ACLY: variants seen among roughly 807,000 people sequenced by gnomAD.
ACLY encodes the protein ATP citrate lyase, also known as ATP-citrate synthase.
ACLY carries 41 observed loss-of-function variants against 133.0 expected under a neutral mutation model. The ratio of observed to expected loss-of-function variants is 0.31; its 90% CI spans 0.24 to 0.40. The LOEUF (loss-of-function observed/expected upper bound fraction) is 0.40, where lower values mean the gene tolerates loss of function less well. Among genes scored for constraint, ACLY ranks in the 10% least tolerant of loss-of-function variants. The probability of loss-of-function intolerance (pLI) is 1.00; values close to 1 mark genes in which losing one functional copy is unlikely to be tolerated. For missense variants in ACLY, 1,046 were observed against 1,453.8 expected (o/e 0.72, Z 4.56); for synonymous variants, 495 against 549.3 (o/e 0.90, Z 1.38).
At chr17:41,894,241 G>A (rs1388964947) in intron 14 of ACLY, among the ~76,000 whole-genome samples, 4 of 149,966 alleles carry the variant, frequency 2.7e-5, no homozygotes, top group Admixed American at 6.7e-5. Context: ...AAAAATTAGC[G>A]TGGTGGCATG....
intron 22 of ACLY, among the ~76,000 whole-genome samples, chr17:41,876,155 A>C (rs1418137644): frequency 4.0e-5 from 6 of 149,656 alleles, no homozygotes; most frequent in Non-Finnish European, 8.9e-5. Context: ...CCCATCTGAG[A>C]AGTGAGGAGC....
intron 19 of ACLY, among the ~76,000 whole-genome samples, chr17:41,883,825 C>T (rs1386184701): frequency 6.6e-6 from 1 of 151,898 alleles, no homozygotes; most frequent in African/African-American, 2.4e-5. Flanking sequence ...TCTCAAGTGA[C>T]CCAGTTGCCT....
intron 17 of ACLY, among the ~76,000 whole-genome samples, chr17:41,886,619 A>AT (rs1555628188): frequency 6.6e-6 from 1 of 152,136 alleles, no homozygotes; most frequent in Admixed American, 6.5e-5. Flanking sequence ...TACTAGCTCC[A>AT]TTTTTTTAAT....
rs868935385 is a variant in ACLY, at chr17:41,873,949, C to T, written c.2504G>A (p.Arg835His). Reference protein sequence around the residue: ...YSWARELGLIRKPASFMTSIC... With the variant: ...YSWARELGLIHKPASFMTSIC... ...GCTGGTCATGAACGAGGCAGGTTTG[C>T]GGATCAAACCAAGCTCCTGGGCAGA... The change falls in exon 23 of 29, where the codon CGC becomes CAC. Residue 835 changes from arginine (R) to histidine (H), a missense_variant. Coordinates refer to ENST00000352035, the MANE Select transcript of ACLY (RefSeq NM_001096.3). The T allele has an allele frequency of 1.2e-6, 2 of 1,602,378 alleles. No individual in the cohort carries two copies. Among genetic ancestry groups the T allele is most frequent in the African/African-American group, 1.3e-5 (1 of 74,580 alleles).
chr17:41,918,857 C>G, intron 1 of ACLY, 23 bp downstream of exon 1: 1 of 1,286,946 alleles, frequency 7.8e-7, no homozygotes, highest in Non-Finnish European at 1.0e-6. Flanking sequence ...CTCCAGCCAG[C>G]GAAAACAGCC....
intron 17 of ACLY, 79 bp from the exon 18 acceptor site, chr17:41,886,387 C>T (rs1555628163): frequency 1.4e-6 from 2 of 1,393,648 alleles, no homozygotes; most frequent in Non-Finnish European, 2.0e-6. Context: ...CCCTGCATTA[C>T]TGCCCAGCCC....
chr17:41,922,188 C>G (rs554995719), upstream of ACLY, among the ~76,000 whole-genome samples: 44 of 151,660 alleles, frequency 2.9e-4, no homozygotes, highest in Non-Finnish European at 5.4e-4. Context: ...ACTATCCTGG[C>G]TAACAAAGTG....
At chr17:41,877,324 G>A (rs797037518) in intron 22 of ACLY, among the ~76,000 whole-genome samples, 14 of 151,694 alleles carry the variant, frequency 9.2e-5, no homozygotes, top group African/African-American at 2.9e-4. Context: ...TATTTTTTCA[G>A]TAGAGATGGG....
intron 14 of ACLY, among the ~76,000 whole-genome samples, chr17:41,894,866 T>C (rs2049321841): frequency 6.6e-6 from 1 of 152,120 alleles, no homozygotes; most frequent in South Asian, 2.1e-4. Flanking sequence ...CAGTGGCATC[T>C]CGTATTAATT....
chr17:41,927,825 C>T (rs1283528683), intron 1 of ACLY, among the ~76,000 whole-genome samples: 1 of 126,860 alleles, frequency 7.9e-6, no homozygotes, highest in African/African-American at 2.9e-5. Context: ...GACTCCATCT[C>T]AAAAAAAAAA....
At chr17:41,919,011 C>A (rs1555635041), upstream of ACLY, 3 of 1,285,374 alleles carry the variant, frequency 2.3e-6, no homozygotes, top group African/African-American at 4.6e-5. Flanking sequence ...TTCCCCGCCC[C>A]CATCGGCTCG....
intron 15 of ACLY, 99 bp from the exon 16 acceptor site, chr17:41,892,546 C>T: frequency 9.0e-7 from 1 of 1,116,824 alleles, no homozygotes; most frequent in South Asian, 1.5e-5. Context: ...ATAGAAAAGG[C>T]ATGGTCTGTG....
At chr17:41,878,359 T>C (rs2048816316) in intron 21 of ACLY, among the ~76,000 whole-genome samples, 163 bp from the exon 22 acceptor site, 1 of 152,166 alleles carries the variant, frequency 6.6e-6, no homozygotes, top group Admixed American at 6.6e-5. Flanking sequence ...TAGCCAAGAC[T>C]GCACCTGCCC....
chr17:41,883,033 G>A (rs143028744), intron 20 of ACLY, 89 bp downstream of exon 20: 12 of 1,095,270 alleles, frequency 1.1e-5, no homozygotes, highest in Admixed American at 2.1e-5. Context: ...AACTAGCTGC[G>A]AATTAATAAG....
intron 26 of ACLY, 111 bp from the exon 27 acceptor site, chr17:41,869,236 C>A: frequency 9.5e-7 from 1 of 1,056,104 alleles, no homozygotes; most frequent in Non-Finnish European, 1.4e-6. Context: ...TAAAAACCTT[C>A]TACCAGCCCC....
chr17:41,885,318 T>C (rs893133812), intron 18 of ACLY, among the ~76,000 whole-genome samples: 1 of 152,102 alleles, frequency 6.6e-6, no homozygotes, highest in Non-Finnish European at 1.5e-5. Context: ...CCTAAAGACC[T>C]TGGTGAGAGT....
At chr17:41,918,840 G>T in intron 1 of ACLY, 40 bp downstream of exon 1, 13 of 1,285,284 alleles carry the variant, frequency 1.0e-5, no homozygotes, top group African/African-American at 1.5e-5. Flanking sequence ...CTCCTAGGGC[G>T]AGCGGGCTCC....
chr17:41,914,651 T>C (rs1441058200), intron 1 of ACLY, among the ~76,000 whole-genome samples: 3 of 152,160 alleles, frequency 2.0e-5, no homozygotes, highest in Admixed American at 2.0e-4. Flanking sequence ...CACTGCGTCA[T>C]CCAGCTGCTA....
At chr17:41,905,732 C>A in intron 8 of ACLY, 74 bp from the exon 9 acceptor site, 1 of 1,577,654 alleles carries the variant, frequency 6.3e-7, no homozygotes, top group South Asian at 1.1e-5. Flanking sequence ...CCTGGGAGGA[C>A]ACACGGATCC....
Sources: gnomAD v4.1 joint callset for allele counts (sites outside exome capture counted in the v4.1 genomes callset) on GRCh38, gnomAD v4.1.1 for gene constraint, MANE v1.5 for transcripts, NCBI Gene and HGNC (gene_info 2026-07-23, HGNC 2026-07-21) for gene names.